GPHN: variants seen among roughly 807,000 people sequenced by gnomAD.
GPHN encodes the protein gephyrin.
In GPHN, 17 loss-of-function variants were observed where a neutral mutation model predicts 95.5. The ratio of observed to expected loss-of-function variants is 0.18; its 90% CI spans 0.12 to 0.27. GPHN has a LOEUF of 0.27. Ranked by LOEUF, GPHN falls within the 10% of genes least tolerant of loss-of-function variation. The probability of loss-of-function intolerance (pLI) is 1.00; values close to 1 mark genes in which losing one functional copy is unlikely to be tolerated. For synonymous variants in GPHN, 320 were observed against 322.5 expected (o/e 0.99, Z 0.08); for missense variants, 660 against 978.1 (o/e 0.67, Z 4.34).
intron 11 of GPHN, among the ~76,000 whole-genome samples, chr14:67,074,884 A>C (rs2076436034): frequency 1.3e-5 from 2 of 152,194 alleles, no homozygotes; most frequent in East Asian, 3.8e-4. Context: ...CTTTAAGGAC[A>C]GAATACATCT....
At chr14:67,491,614 C>T in the GPHN span, among the ~76,000 whole-genome samples, 4 of 152,142 alleles carry the variant, frequency 2.6e-5, no homozygotes, top group Non-Finnish European at 5.9e-5. Context: ...CTTATTACAC[C>T]GCACCCTGAC....
At chr14:67,519,645 GA>G in the GPHN span, among the ~76,000 whole-genome samples, 2 of 151,850 alleles carry the variant, frequency 1.3e-5, no homozygotes, top group South Asian at 4.1e-4. Flanking sequence ...CCCAAACAGC[GA>G]AAGTCCAGGA....
At chr14:67,179,802 GAGTTA>G (rs1050290446) in intron 22 of GPHN, 128 bp downstream of exon 22, 2 of 672,274 alleles carry the variant, frequency 3.0e-6, no homozygotes, top group African/African-American at 3.6e-5. Flanking sequence ...AAAGTTAGAT[GAGTTA>G]AGTTATTCCT....
the GPHN span, among the ~76,000 whole-genome samples, chr14:67,423,218 G>A: frequency 6.6e-6 from 1 of 151,944 alleles, no homozygotes; most frequent in South Asian, 2.1e-4. Context: ...CAGCAGAAAG[G>A]GCCAAAAAGG....
At position 66,607,395 on chromosome 14, in the gene GPHN, T is replaced by G. The variant is rs112187237; in HGVS notation, c.65-73712T>G. On this transcript the variant is annotated intron_variant, in intron 1 of 22. Coordinates refer to ENST00000478722, the MANE Select transcript of GPHN (RefSeq NM_020806.5). ...GCTAGTTTTTTTTTGTATTTTTGTG[T>G]TTTTTTTTGTTTTTTTAGGGTTTTG... is the stretch of plus-strand genomic sequence containing the variant. 3.9e-3 allele frequency among the ~76,000 whole-genome samples: 583 copies of G among 150,208 alleles called. 12 individuals carry two copies. Among genetic ancestry groups the G allele is most frequent in the African/African-American group, 0.013 (534 of 40,926 alleles).
chr14:66,628,354 A>G (rs1423395302), intron 1 of GPHN, among the ~76,000 whole-genome samples: 1 of 152,166 alleles, frequency 6.6e-6, no homozygotes, highest in Non-Finnish European at 1.5e-5. Context: ...GCTGTATGGC[A>G]TAGGCTATTG....
chr14:66,716,767 G>A (rs943340921), intron 2 of GPHN, among the ~76,000 whole-genome samples: 2 of 152,100 alleles, frequency 1.3e-5, no homozygotes, highest in African/African-American at 2.4e-5. Flanking sequence ...ATATCTTCAT[G>A]TATGTTGCTT....
chr14:66,735,470 G>T (rs1020384020), intron 2 of GPHN, among the ~76,000 whole-genome samples: 8 of 152,270 alleles, frequency 5.3e-5, no homozygotes, highest in Admixed American at 2.6e-4. Context: ...GTAAGTAATT[G>T]TAGTTACTAT....
rs1374044183 is a variant in GPHN, at chr14:66,508,228, C to T, written c.-300C>T. ...TCCGACACTCTCCGGCCTCGTTCTG[C>T]CGCCTCCGCGCGCTCTCCCCGTGCG... On this transcript the variant is annotated 5_prime_UTR_variant, in exon 1 of 23. Coordinates refer to ENST00000478722, the MANE Select transcript of GPHN (RefSeq NM_020806.5). The T allele has an allele frequency of 3.7e-6, 2 of 539,708 alleles. No homozygotes were observed. The highest frequency in any genetic ancestry group is 3.8e-5 in the African/African-American group (2 of 52,116). The allele number at this position is 539,708 out of a possible 1,614,324, so 33.4% of individuals were successfully genotyped here. A position where few individuals can be genotyped will look rare whatever the true frequency, so the allele number is the denominator to read the frequency against.
intron 9 of GPHN, among the ~76,000 whole-genome samples, chr14:67,011,703 T>G (rs1188586119): frequency 1.3e-5 from 2 of 152,060 alleles, no homozygotes; most frequent in East Asian, 3.8e-4. Context: ...TTTCTCTCTT[T>G]CTGCTTATAT....
the GPHN span, among the ~76,000 whole-genome samples, chr14:67,322,844 G>C: frequency 6.6e-6 from 1 of 152,128 alleles, no homozygotes; most frequent in African/African-American, 2.4e-5. Flanking sequence ...TTGATAGAGC[G>C]TGTCAGTTTG....
At chr14:67,569,321 G>GC in the GPHN span, 12 of 758,136 alleles carry the variant, frequency 1.6e-5, no homozygotes, top group African/African-American at 3.4e-5. Flanking sequence ...GGGTTGGCTG[G>GC]CCTACCCTGT....
At chr14:67,275,990 A>ATT in the GPHN span, among the ~76,000 whole-genome samples, 1 of 151,718 alleles carries the variant, frequency 6.6e-6, no homozygotes, top group South Asian at 2.1e-4. Flanking sequence ...TTTTTATTGC[A>ATT]TGTATTTGAT....
intron 21 of GPHN, among the ~76,000 whole-genome samples, chr14:67,178,528 G>T (rs989128753): frequency 1.3e-5 from 2 of 152,100 alleles, no homozygotes; most frequent in African/African-American, 4.8e-5. Flanking sequence ...TGAATCTGAC[G>T]ATTATGTGCC....
At chr14:67,538,188 A>G in the GPHN span, among the ~76,000 whole-genome samples, 1 of 152,078 alleles carries the variant, frequency 6.6e-6, no homozygotes, top group African/African-American at 2.4e-5. Flanking sequence ...ATTTTTTGCC[A>G]TTAATGTATT....
the GPHN span, among the ~76,000 whole-genome samples, chr14:67,678,773 A>G: frequency 0.99 from 149,991 of 152,116 alleles, 73,969 homozygotes; most frequent in East Asian, 1. Flanking sequence ...CATTCTACAG[A>G]GCCTTGGACA....
intron 1 of GPHN, among the ~76,000 whole-genome samples, chr14:66,527,450 T>C (rs1430130276): frequency 1.3e-5 from 2 of 152,064 alleles, no homozygotes; most frequent in Non-Finnish European, 2.9e-5. Context: ...GAGGAGATTT[T>C]CATGTCTGTA....
chr14:67,433,691 A>G, the GPHN span, among the ~76,000 whole-genome samples: 1 of 152,232 alleles, frequency 6.6e-6, no homozygotes, highest in South Asian at 2.1e-4. Flanking sequence ...AGTCATCACT[A>G]TATTTCACTG....
intron 1 of GPHN, among the ~76,000 whole-genome samples, chr14:66,559,554 T>C (rs1165417671): frequency 6.6e-6 from 1 of 151,844 alleles, no homozygotes; most frequent in African/African-American, 2.4e-5. Context: ...GAAGTGTCTG[T>C]TCATGTCCTA....
Sources: allele counts gnomAD v4.1 joint callset (sites outside exome capture counted in the v4.1 genomes callset), GRCh38; gene constraint gnomAD v4.1.1; transcripts MANE v1.5; gene names NCBI Gene and HGNC (gene_info 2026-07-23, HGNC 2026-07-21).